Variants in CACNA1E observed in about 807,000 individuals in gnomAD.
The protein encoded by CACNA1E is voltage-dependent R-type calcium channel subunit alpha-1E.
A neutral mutation model predicts 259.2 loss-of-function variants in CACNA1E; 40 were observed. The ratio of observed to expected loss-of-function variants is 0.15; its 90% confidence interval spans 0.12 to 0.20. CACNA1E has a LOEUF of 0.20. CACNA1E is among the 10% of genes least tolerant of loss of function. The probability of loss-of-function intolerance (pLI) is 1.00; values close to 1 mark genes in which losing one functional copy is unlikely to be tolerated. For missense variants in CACNA1E, 1,874 were observed against 3,040.1 expected, an observed-to-expected ratio of 0.62 and a Z score of 9.02; for synonymous variants, 1,104 against 1,138.5, an observed-to-expected ratio of 0.97 and a Z score of 0.61.
intron 1 of CACNA1E, among the ~76,000 whole-genome samples, chr1:181,343,693 G>A (rs972898729): frequency 2.6e-5 from 4 of 152,204 alleles, no homozygotes; most frequent in South Asian, 4.1e-4. Context: ...TCAAGGAGGC[G>A]ACAGCTTTCT....
chr1:181,679,130 T>C (rs1294365498), intron 7 of CACNA1E, among the ~76,000 whole-genome samples: 1 of 152,154 alleles, frequency 6.6e-6, no homozygotes, highest in Non-Finnish European at 1.5e-5. Context: ...TTTTAATAGA[T>C]AGGGAGTAGA....
intron 8 of CACNA1E, 39 bp downstream of exon 8, chr1:181,711,108 G>A: frequency 7.2e-7 from 1 of 1,389,290 alleles, no homozygotes; most frequent in Non-Finnish European, 1.0e-6. Context: ...TGAGTGGGCT[G>A]CAGAGACATC....
At chr1:181,663,609 G>T (rs1386632490) in intron 7 of CACNA1E, among the ~76,000 whole-genome samples, 2 of 152,182 alleles carry the variant, frequency 1.3e-5, no homozygotes, top group African/African-American at 4.8e-5. Context: ...CTGGAGGATA[G>T]TATTGCAGAG....
rs1281998432 is a variant in CACNA1E at position 181,796,725 on chromosome 1, GA to G, written c.6269del (p.Lys2090SerfsTer49). Reference sequence around the variant, plus strand: ...AGGGAGCGGGGACGATCAAAAGAGCGAAAGCATCTTCTCTCTCCTGATGTCT... The same window carrying G: ...AGGGAGCGGGGACGATCAAAAGAGCGAAGCATCTTCTCTCTCCTGATGTCT... ...GGRERGRSKERKHLLSPDVSR... is the reference protein window; with the variant it reads ...GGRERGRSKEXKHLLSPDVSR... On this transcript the variant is annotated frameshift_variant, in exon 47 of 48. Coordinates refer to ENST00000367573, the MANE Select transcript of CACNA1E (RefSeq NM_001205293.3). LOFTEE classifies it high-confidence loss of function. 1 of 1,612,942 alleles carries G rather than the reference GA, an allele frequency of 6.2e-7. No individual in the cohort carries two copies. The highest frequency in any genetic ancestry group is 1.7e-5 in the Admixed American group (1 of 59,956).
At chr1:181,519,135 C>T (rs1231325631) in intron 3 of CACNA1E, among the ~76,000 whole-genome samples, 1 of 152,034 alleles carries the variant, frequency 6.6e-6, no homozygotes, top group Non-Finnish European at 1.5e-5. Context: ...GGTGAAAATC[C>T]CCAGGTATGT....
chr1:181,788,814 T>A (rs1162218870), intron 43 of CACNA1E, among the ~76,000 whole-genome samples: 1 of 152,216 alleles, frequency 6.6e-6, no homozygotes, highest in East Asian at 1.9e-4. Context: ...CCAAGGGTCC[T>A]CTCCCTCTAG....
chr1:181,362,786 C>T (rs1224476399), intron 1 of CACNA1E, among the ~76,000 whole-genome samples: 2 of 152,076 alleles, frequency 1.3e-5, no homozygotes, highest in African/African-American at 2.4e-5. Flanking sequence ...ACGGGGGAAC[C>T]GGAGCAAATG....
upstream of CACNA1E, among the ~76,000 whole-genome samples, chr1:181,479,621 C>T (rs115500458): frequency 3.8e-3 from 585 of 152,270 alleles, 3 homozygotes; most frequent in African/African-American, 0.013. Context: ...ATATTGAGGG[C>T]ATGGTGCCAG....
intron 2 of CACNA1E, among the ~76,000 whole-genome samples, chr1:181,445,932 G>A (rs916954905): frequency 6.6e-5 from 10 of 152,138 alleles, no homozygotes; most frequent in Admixed American, 3.3e-4. Context: ...TCTTAACAGC[G>A]CACCACACTG....
intron 1 of CACNA1E, among the ~76,000 whole-genome samples, chr1:181,320,406 A>G (rs1306133914): frequency 2.0e-5 from 3 of 152,190 alleles, no homozygotes; most frequent in African/African-American, 7.2e-5. Flanking sequence ...TCTGCCAGAC[A>G]GCTAAGTTCC....
intron 1 of CACNA1E, among the ~76,000 whole-genome samples, chr1:181,402,724 G>C (rs1039748068): frequency 4.6e-5 from 7 of 152,086 alleles, no homozygotes; most frequent in Admixed American, 3.3e-4. Flanking sequence ...TTACCCCCCT[G>C]CACACACATG....
intron 1 of CACNA1E, among the ~76,000 whole-genome samples, chr1:181,328,321 T>C (rs537717026): frequency 6.6e-6 from 1 of 152,304 alleles, no homozygotes; most frequent in South Asian, 2.1e-4. Context: ...TCCACCCTCA[T>C]GACCTAATCA....
In CACNA1E at chr1:181,710,981, G is replaced by A. The variant is rs2102424941; in HGVS notation, c.1083G>A (p.Val361=). The stretch of plus-strand genomic sequence containing the variant: ...AATTTGCCAAAGAGAGAGAGAGAGT[G>A]GAGAACCGAAGGGCTTTCATGAAGC... ...SGEFAKERER[V]ENRRAFMKLR... The change falls in exon 8 of 48, where the codon GTG becomes GTA. Residue 361 remains valine (V), a synonymous_variant. Coordinates refer to ENST00000367573, the MANE Select transcript of CACNA1E (RefSeq NM_001205293.3). 6.2e-7 allele frequency: 1 copy of A among 1,613,662 alleles called. No individual in the cohort carries two copies. Among genetic ancestry groups the A allele is most frequent in the Non-Finnish European group, 8.5e-7 (1 of 1,179,702 alleles).
chr1:181,437,412 G>C (rs779948013), intron 2 of CACNA1E, among the ~76,000 whole-genome samples: 1 of 151,650 alleles, frequency 6.6e-6, no homozygotes, highest in African/African-American at 2.4e-5. Context: ...CTTTATCCTC[G>C]GTCCCATTTC....
intron 1 of CACNA1E, among the ~76,000 whole-genome samples, chr1:181,377,303 T>G (rs1482969981): frequency 6.6e-6 from 1 of 152,204 alleles, no homozygotes; most frequent in Non-Finnish European, 1.5e-5. Context: ...GGGGAGATGC[T>G]AGAATTCTGG....
At chr1:181,416,749 T>C (rs147173345) in intron 2 of CACNA1E, among the ~76,000 whole-genome samples, 1 of 152,242 alleles carries the variant, frequency 6.6e-6, no homozygotes. Flanking sequence ...CCCTCTCCTG[T>C]CCTAAAAATG....
intron 2 of CACNA1E, among the ~76,000 whole-genome samples, chr1:181,458,060 C>G (rs931235376): frequency 1.3e-5 from 2 of 152,224 alleles, no homozygotes; most frequent in African/African-American, 4.8e-5. Flanking sequence ...ACTCACTTCT[C>G]CAGTGCCTTT....
At chr1:181,795,444 ATTT>A (rs11306687) in intron 46 of CACNA1E, among the ~76,000 whole-genome samples, 1 of 146,970 alleles carries the variant, frequency 6.8e-6, no homozygotes, top group Non-Finnish European at 1.5e-5. Flanking sequence ...CTGTGTTTGA[ATTT>A]TTTTTTTTTT....
At chr1:181,606,048 C>T (rs1654206801) in intron 6 of CACNA1E, among the ~76,000 whole-genome samples, 1 of 152,054 alleles carries the variant, frequency 6.6e-6, no homozygotes, top group Non-Finnish European at 1.5e-5. Context: ...GTCCTGTTTC[C>T]ATCCGTCTTT....
Sources: gnomAD v4.1 joint callset for allele counts (sites outside exome capture counted in the v4.1 genomes callset) on GRCh38, gnomAD v4.1.1 for gene constraint, MANE v1.5 for transcripts, NCBI Gene and HGNC (gene_info 2026-07-23, HGNC 2026-07-21) for gene names.